UGT2B28: variants seen among roughly 807,000 people sequenced by gnomAD.
UGT2B28 encodes UDP glucuronosyltransferase family 2 member B28.
In UGT2B28, 45 loss-of-function variants were observed where a neutral mutation model predicts 43.6. The ratio of observed to expected loss-of-function variants is 1.03; its 90% CI spans 0.81 to 1.32. The LOEUF (loss-of-function observed/expected upper bound fraction) is 1.32. Ranked by LOEUF, UGT2B28 falls within the 40% of genes most tolerant of loss-of-function variation. The pLI is 0.00. For missense variants in UGT2B28, 649 were observed against 625.5 expected, an observed-to-expected ratio of 1.04 and a Z score of -0.40; for synonymous variants, 204 against 208.1, an observed-to-expected ratio of 0.98 and a Z score of 0.17.
Position 69,294,942 on chromosome 4 carries a change from T to C in UGT2B28, c.*133T>C, listed in dbSNP as rs1217580682. 2 of 1,233,824 alleles carry C rather than the reference T, an allele frequency of 1.6e-6. No homozygotes were observed. The highest frequency in any genetic ancestry group is 1.0e-6 in the Non-Finnish European group (1 of 955,540). 76.4% of individuals were successfully genotyped at this position (1,233,824 alleles called of 1,614,324 possible). On this transcript the variant is annotated 3_prime_UTR_variant, in exon 6 of 6. Coordinates refer to ENST00000335568, the MANE Select transcript of UGT2B28 (RefSeq NM_053039.2). ...AAAAAAAAACTTTTCAAAATCTACCTTGTCAAGTAAAAATTTGTTTTTCAG... is the reference window on the plus strand; with the variant it reads ...AAAAAAAAACTTTTCAAAATCTACCCTGTCAAGTAAAAATTTGTTTTTCAG...
rs553086992 is a variant in UGT2B28, at chr4:69,284,444, T to G, written c.870+1782T>G. Among the ~76,000 whole-genome samples the G allele has an allele frequency of 5.0e-5, 7 of 140,802 alleles. 1 individual carries two copies. The highest frequency in any genetic ancestry group is 3.6e-4 in the Admixed American group (5 of 14,060). 92.4% of individuals were successfully genotyped at this position (140,802 alleles called of 152,430 possible). On this transcript the variant is annotated intron_variant, in intron 2 of 5. Transcript: ENST00000335568. ...ATAAAACTGATATTTTATTCCATTG[T>G]TAAAACTCAGTATCTATGTTTAATG... is the stretch of plus-strand genomic sequence containing the variant.
rs1383076323 is a variant in UGT2B28, at chr4:69,286,111, A to G, written c.871-641A>G. Among the ~76,000 whole-genome samples the G allele has an allele frequency of 1.4e-5, 2 of 141,718 alleles. 1 individual carries two copies. Among genetic ancestry groups the G allele is most frequent in the Non-Finnish European group, 3.0e-5 (2 of 66,078 alleles). 93.0% of individuals were successfully genotyped at this position (141,718 alleles called of 152,430 possible). ...AATTCCAAATCACAATACTAGACTC[A>G]GGAATGTCAGTGATTCTTAACCACC... On this transcript the variant is annotated intron_variant, in intron 2 of 5. Coordinates refer to ENST00000335568, the MANE Select transcript of UGT2B28 (RefSeq NM_053039.2).
chr4:69,288,763 C>G lies in UGT2B28; in HGVS notation c.1003-902C>G. ...TCCTCCCACCCTCCACCATCCTATA[C>G]ATCTCAGTGTATGTTGTTGCCATCT... On this transcript the variant is annotated intron_variant, in intron 3 of 5. Transcript: ENST00000335568. 2.2e-5 allele frequency among the ~76,000 whole-genome samples: 3 copies of G among 138,930 alleles called. 1 individual carries two copies. Among genetic ancestry groups the G allele is most frequent in the Middle Eastern group, 7.4e-3 (2 of 272 alleles). 91.1% of individuals were successfully genotyped at this position (138,930 alleles called of 152,430 possible). A position where few individuals can be genotyped will look rare whatever the true frequency, so the allele number is the denominator to read the frequency against.
chr4:69,286,942 G>A, intron 3 of UGT2B28, 59 bp downstream of exon 3: 1 of 1,531,994 alleles, frequency 6.5e-7, no homozygotes, highest in South Asian at 1.2e-5. Context: ...TAAAGTTTGA[G>A]ATCTACACAG....
rs1052075640 is a variant in UGT2B28 at position 69,289,211 on chromosome 4, A to C, written c.1003-454A>C. 2.1e-4 allele frequency among the ~76,000 whole-genome samples: 30 copies of C among 139,818 alleles called. 7 individuals are homozygous for C. The highest frequency in any genetic ancestry group is 3.1e-4 in the Non-Finnish European group (20 of 65,520). 91.7% of individuals were successfully genotyped at this position (139,818 alleles called of 152,430 possible). The stretch of plus-strand genomic sequence containing the variant: ...AACTAACTTACATTCCAACCAACAG[A>C]GTATAAGCATTCCTTTTCTATACAA... On this transcript the variant is annotated intron_variant, in intron 3 of 5. Transcript: ENST00000335568.
intron 2 of UGT2B28, among the ~76,000 whole-genome samples, chr4:69,285,099 A>G (rs1468785483): frequency 1.4e-5 from 2 of 139,184 alleles, no homozygotes; most frequent in Non-Finnish European, 3.0e-5. Flanking sequence ...TACAGATAAT[A>G]TGAGTTAGAA....
At chr4:69,290,978 C>G (rs1327534577) in intron 5 of UGT2B28, among the ~76,000 whole-genome samples, 167 bp downstream of exon 5, 1 of 140,038 alleles carries the variant, frequency 7.1e-6, no homozygotes, top group Admixed American at 7.2e-5. Flanking sequence ...AAAAATTGTG[C>G]TTGAATCCCA....
intron 5 of UGT2B28, among the ~76,000 whole-genome samples, chr4:69,292,800 C>T (rs1390384245): frequency 7.2e-6 from 1 of 139,506 alleles, no homozygotes; most frequent in Non-Finnish European, 1.5e-5. Flanking sequence ...CTATATGATC[C>T]AGCCATAGTG....
Position 69,280,751 on chromosome 4 carries a change from C to T in UGT2B28, c.251C>T (p.Thr84Ile), listed in dbSNP as rs758232402. The T allele has an allele frequency of 1.3e-6, 2 of 1,563,832 alleles. 1 individual carries two copies. The highest frequency in any genetic ancestry group is 1.7e-6 in the Non-Finnish European group (2 of 1,157,078). Reference protein sequence around the residue: ...LEVYPTSLTKTEFENIIMQQV... With the variant: ...LEVYPTSLTKIEFENIIMQQV... ...GTTTATCCTACATCTTTAACTAAAA[C>T]TGAATTTGAGAATATCATCATGCAA... is the stretch of plus-strand genomic sequence containing the variant. Residue 84 changes from threonine (T) to isoleucine (I), a missense_variant, in exon 1 of 6, where the codon ACT becomes ATT. Coordinates refer to ENST00000335568, the MANE Select transcript of UGT2B28 (RefSeq NM_053039.2).
intron 3 of UGT2B28, 124 bp downstream of exon 3, chr4:69,287,007 C>T: frequency 2.8e-6 from 4 of 1,415,304 alleles, no homozygotes; most frequent in Non-Finnish European, 3.7e-6. Flanking sequence ...TCTTAAATAT[C>T]TTGTGTAGCT....
At chr4:69,287,023 C>G in intron 3 of UGT2B28, 140 bp downstream of exon 3, 2 of 1,376,604 alleles carry the variant, frequency 1.5e-6, no homozygotes, top group Non-Finnish European at 1.9e-6. Flanking sequence ...TAGCTTCCAC[C>G]GACACAAGTC....
At chr4:69,293,261 A>T (rs1214803784) in intron 5 of UGT2B28, among the ~76,000 whole-genome samples, 1 of 140,316 alleles carries the variant, frequency 7.1e-6, no homozygotes. Context: ...AGTAGTCACT[A>T]AAAGGTTCAG....
rs191569229 is a variant in UGT2B28, at chr4:69,285,383, A to T, written c.871-1369A>T. Among the ~76,000 whole-genome samples the T allele has an allele frequency of 1.8e-3, 247 of 140,176 alleles. 30 individuals carry two copies. Among genetic ancestry groups the T allele is most frequent in the South Asian group, 3.3e-3 (14 of 4,192 alleles). The allele number at this position is 140,176 out of a possible 152,430, so 92.0% of individuals were successfully genotyped here. A position where few individuals can be genotyped will look rare whatever the true frequency, so the allele number is the denominator to read the frequency against. On this transcript the variant is annotated intron_variant, in intron 2 of 5. Coordinates refer to ENST00000335568, the MANE Select transcript of UGT2B28 (RefSeq NM_053039.2). Reference sequence around the variant, plus strand: ...ATCACTAAAGGAGCAACAACCCGTCAATATCAGTGATGAATCTCTAAACAG... The same window carrying T: ...ATCACTAAAGGAGCAACAACCCGTCTATATCAGTGATGAATCTCTAAACAG...
Position 69,289,689 on chromosome 4 carries a change from A to T in UGT2B28, c.1027A>T (p.Lys343Ter). 6.4e-7 allele frequency: 1 copy of T among 1,559,472 alleles called. No individual in the cohort carries two copies. The highest frequency in any genetic ancestry group is 8.7e-7 in the Non-Finnish European group (1 of 1,155,926). Residue 343 changes from lysine (K) to a stop codon, truncating the protein, a stop_gained, in exon 4 of 6, where the codon AAA becomes TAA. Coordinates refer to ENST00000335568, the MANE Select transcript of UGT2B28 (RefSeq NM_053039.2). LOFTEE classifies it high-confidence loss of function. ...QKVLWRFDGN[K>*]PDALGLNTRL... ...GGTTCTGTGGAGATTTGATGGGAAT[A>T]AACCAGATGCCTTAGGTCTCAATAC...
In UGT2B28 at chr4:69,280,926, G is replaced by T. The variant is rs372579054; in HGVS notation, c.426G>T (p.Glu142Asp). 1.3e-6 allele frequency: 2 copies of T among 1,560,054 alleles called. No homozygotes were observed. The highest frequency in any genetic ancestry group is 1.7e-6 in the Non-Finnish European group (2 of 1,155,716). ...AGAAAGTTATGAAAAAACTACAAGAGTCAAGATTTGACATCATTTTTGCAG... is the reference window on the plus strand; with the variant it reads ...AGAAAGTTATGAAAAAACTACAAGATTCAAGATTTGACATCATTTTTGCAG... The part of the protein sequence containing the change: ...SNKKVMKKLQ[E>D]SRFDIIFADA... Residue 142 changes from glutamate to aspartate, a missense_variant, in exon 1 of 6, where the codon GAG becomes GAT. Transcript: ENST00000335568.
intron 2 of UGT2B28, among the ~76,000 whole-genome samples, chr4:69,286,102 A>G (rs1437077912): frequency 2.1e-5 from 3 of 141,482 alleles, no homozygotes; most frequent in Non-Finnish European, 4.5e-5. Context: ...AAATCACAAT[A>G]CTAGACTCAG....
In UGT2B28 at chr4:69,282,611, C is replaced by T. The variant is rs147973304; in HGVS notation, c.819C>T (p.Asn273=). Residue 273 remains asparagine, a synonymous_variant, in exon 2 of 6, where the codon AAC becomes AAT. Coordinates refer to ENST00000335568, the MANE Select transcript of UGT2B28 (RefSeq NM_053039.2). ...SFQFPHPFLP[N]IDFVGGLHCK... The stretch of plus-strand genomic sequence containing the variant: ...AATTTCCTCATCCATTCTTACCAAA[C>T]ATTGATTTTGTTGGAGGACTCCACT... 1.0e-3 allele frequency: 1,598 copies of T among 1,555,476 alleles called. 346 individuals are homozygous for T. The African/African-American group carries it at 0.022, about 21-fold the overall frequency.
chr4:69,282,793 C>G, intron 2 of UGT2B28, 131 bp downstream of exon 2: 2 of 1,306,818 alleles, frequency 1.5e-6, no homozygotes, highest in Non-Finnish European at 1.0e-6. Context: ...AAGCAGATAC[C>G]AAATAGAAAC....
intron 3 of UGT2B28, 139 bp downstream of exon 3, chr4:69,287,022 C>T: frequency 7.3e-7 from 1 of 1,376,800 alleles, no homozygotes; most frequent in Non-Finnish European, 9.5e-7. Context: ...GTAGCTTCCA[C>T]CGACACAAGT....
Sources: allele counts gnomAD v4.1 joint callset (sites outside exome capture counted in the v4.1 genomes callset), GRCh38; gene constraint gnomAD v4.1.1; transcripts MANE v1.5; gene names NCBI Gene and HGNC (gene_info 2026-07-23, HGNC 2026-07-21).